The following ACOT8 variants were observed in gnomAD, a reference collection of about 807,000 sequenced individuals.
ACOT8 encodes the protein acyl-coenzyme A thioesterase 8.
Under a neutral mutation model 38.4 loss-of-function variants are expected in ACOT8, and 31 were observed. The observed-to-expected ratio is 0.81, with a 90% confidence interval of 0.61 to 1.09. The LOEUF (loss-of-function observed/expected upper bound fraction) is 1.09, where lower values mean the gene tolerates loss of function less well. Ranked by LOEUF, ACOT8 falls within the 50% of genes least tolerant of loss-of-function variation. The pLI is 0.00. For missense variants in ACOT8, 373 were observed against 421.8 expected (o/e 0.88, Z 1.01); for synonymous variants, 158 against 170.3 (o/e 0.93, Z 0.56).
At chr20:45,848,820 G>A (rs900304740) in intron 2 of ACOT8, 145 bp from the exon 3 acceptor site, 3 of 639,688 alleles carry the variant, frequency 4.7e-6, no homozygotes, top group Non-Finnish European at 7.6e-6. Flanking sequence ...CAGGGATACA[G>A]AGACCACCAG....
rs1472313133 is a variant in ACOT8 at position 45,848,646 on chromosome 20, C to G, written c.292G>C (p.Val98Leu). The change falls in exon 3 of 6, where the codon GTG becomes CTG. Residue 98 changes from valine (V) to leucine (L), a missense_variant. Transcript: ENST00000217455. ...CTCGACCCTGTTCGTGTCCGCTCCA[C>G]TTGGTACAGTACTGGCAGCTTCGGG... The part of the protein sequence containing the change: ...GDPKLPVLYQ[V>L]ERTRTGSSFS... 6.2e-7 allele frequency: 1 copy of G among 1,613,312 alleles called. No homozygotes were observed. Among genetic ancestry groups the G allele is most frequent in the African/African-American group, 1.3e-5 (1 of 75,014 alleles).
chr20:45,844,075 A>G, intron 4 of ACOT8, 188 bp downstream of exon 4: 1 of 901,620 alleles, frequency 1.1e-6, no homozygotes, highest in Non-Finnish European at 1.7e-6. Context: ...TGTCGGGATT[A>G]TAGTCATCTC....
At chr20:45,850,839 G>A (rs901912972) in intron 2 of ACOT8, among the ~76,000 whole-genome samples, 2 of 152,180 alleles carry the variant, frequency 1.3e-5, no homozygotes, top group Non-Finnish European at 2.9e-5. Context: ...TCCAGCCTAG[G>A]TGACAGAGCA....
rs113775752 is a variant in ACOT8, at chr20:45,855,458, T to A, written c.129-166A>T. On this transcript the variant is annotated intron_variant, in intron 1 of 5. Coordinates refer to ENST00000217455, the MANE Select transcript of ACOT8 (RefSeq NM_005469.4). The stretch of plus-strand genomic sequence containing the variant: ...TTCCCCAGGCAAATATCCTTATGCA[T>A]AAAAATCCTCTGGGCCGGGCGCAGT... 7.5e-3 allele frequency among the ~76,000 whole-genome samples: 1,147 copies of A among 152,212 alleles called. 10 individuals are homozygous for A. The highest frequency in any genetic ancestry group is 0.013 in the Non-Finnish European group (888 of 67,992).
rs1380651298 is a variant in ACOT8, at chr20:45,841,950, G to A, written c.848C>T (p.Ser283Phe). 1 of 1,613,232 alleles carries A rather than the reference G, an allele frequency of 6.2e-7. No individual in the cohort carries two copies. The highest frequency in any genetic ancestry group is 8.5e-7 in the Non-Finnish European group (1 of 1,180,002). ...CAGCCGCCCATGGACCAGCCCCCGAGAGCCACCTGTGGGTGAGGTGAAGGG... is the reference window on the plus strand; with the variant it reads ...CAGCCGCCCATGGACCAGCCCCCGAAAGCCACCTGTGGGTGAGGTGAAGGG... ...YECESPWAGG[S>F]RGLVHGRLWR... is the part of the protein sequence containing the mutation. Residue 283 changes from serine (S) to phenylalanine (F), a missense_variant, in exon 6 of 6, where the codon TCT becomes TTT. Ser to Phe is a radical substitution (Grantham distance 155). Transcript: ENST00000217455.
intron 2 of ACOT8, among the ~76,000 whole-genome samples, chr20:45,852,851 C>A (rs1985152267): frequency 6.6e-6 from 1 of 152,190 alleles, no homozygotes; most frequent in Non-Finnish European, 1.5e-5. Context: ...TCACTGCAAC[C>A]TCCGCCTCCT....
chr20:45,842,550 G>A, intron 5 of ACOT8: 1 of 1,001,134 alleles, frequency 1.0e-6, no homozygotes, highest in Non-Finnish European at 1.2e-6. Flanking sequence ...CATGAGGTCT[G>A]GCCTCTTCCC....
At chr20:45,856,494 A>C (rs1985441165) in intron 1 of ACOT8, among the ~76,000 whole-genome samples, 1 of 151,764 alleles carries the variant, frequency 6.6e-6, no homozygotes, top group Admixed American at 6.7e-5. Flanking sequence ...AGCCTGGCCA[A>C]CACGGTGAAA....
chr20:45,846,478 C>G (rs1289064315), intron 3 of ACOT8, among the ~76,000 whole-genome samples: 1 of 152,172 alleles, frequency 6.6e-6, no homozygotes, highest in Non-Finnish European at 1.5e-5. Flanking sequence ...ACTCACACAG[C>G]TAGTAGGGAC....
At chr20:45,843,968 G>T in intron 4 of ACOT8, 1 of 821,042 alleles carries the variant, frequency 1.2e-6, no homozygotes, top group Non-Finnish European at 1.9e-6. Context: ...CAAAAGGGGT[G>T]TCTTCTTCCA....
chr20:45,850,511 TTC>T (rs1456524813), intron 2 of ACOT8, among the ~76,000 whole-genome samples: 4 of 152,044 alleles, frequency 2.6e-5, no homozygotes, highest in African/African-American at 9.7e-5. Context: ...TGCGTCAGAG[TTC>T]TGTTTTTCTA....
At chr20:45,845,114 A>G (rs894679795) in intron 3 of ACOT8, among the ~76,000 whole-genome samples, 1 of 152,052 alleles carries the variant, frequency 6.6e-6, no homozygotes, top group Non-Finnish European at 1.5e-5. Flanking sequence ...TTTGAGACGG[A>G]GTCTAGCTCT....
intron 2 of ACOT8, among the ~76,000 whole-genome samples, chr20:45,854,440 G>A (rs1985278819): frequency 6.6e-6 from 1 of 152,140 alleles, no homozygotes; most frequent in Non-Finnish European, 1.5e-5. Flanking sequence ...CCGATCTCCT[G>A]ACCTCGTGAT....
chr20:45,854,504 C>T (rs1225818784), intron 2 of ACOT8, among the ~76,000 whole-genome samples: 1 of 152,178 alleles, frequency 6.6e-6, no homozygotes, highest in Non-Finnish European at 1.5e-5. Context: ...CCACCGCGCC[C>T]GGCCTCACAC....
At chr20:45,850,427 A>C (rs886404359) in intron 2 of ACOT8, among the ~76,000 whole-genome samples, 1 of 152,210 alleles carries the variant, frequency 6.6e-6, no homozygotes, top group Admixed American at 6.5e-5. Flanking sequence ...TGGTTGGTAA[A>C]GATAGTGGTC....
Position 45,847,210 on chromosome 20 carries a change from AAAAC to A in ACOT8, c.488+1236_488+1239del, listed in dbSNP as rs760344607. On this transcript the variant is annotated intron_variant, in intron 3 of 5. Transcript: ENST00000217455. ...AGGCAACAGGGCGAGACTCTGTCTC[AAAAC>A]AAACAAACAAACAAAAACATGCACT... 1.3e-4 allele frequency among the ~76,000 whole-genome samples: 19 copies of A among 151,894 alleles called. No individual in the cohort carries two copies. The Middle Eastern group carries it at 0.01, about 82-fold the overall frequency.
chr20:45,852,923 C>T (rs952206964), intron 2 of ACOT8, among the ~76,000 whole-genome samples: 4 of 152,132 alleles, frequency 2.6e-5, no homozygotes, highest in African/African-American at 4.8e-5. Flanking sequence ...CACATGCCGC[C>T]ATGCCTGGCT....
At position 45,851,155 on chromosome 20, in the gene ACOT8, T is replaced by C. The variant is rs3746495; in HGVS notation, c.263-2480A>G. Among the ~76,000 whole-genome samples the C allele has an allele frequency of 0.01, 1,550 of 152,258 alleles. 62 individuals are homozygous for C. The East Asian group carries it at 0.13, about 13-fold the overall frequency. On this transcript the variant is annotated intron_variant, in intron 2 of 5. Transcript: ENST00000217455. ...GGCACCAGGGCTCAATCAACAGCAA[T>C]AAACATCACTGTCTGAGGTCAACTG...
At chr20:45,853,960 C>A in intron 2 of ACOT8, 1 of 1,304,364 alleles carries the variant, frequency 7.7e-7, no homozygotes. Flanking sequence ...TGGGGATCTA[C>A]GCAGAACACA....
Sources: allele counts gnomAD v4.1 joint callset (sites outside exome capture counted in the v4.1 genomes callset), GRCh38; gene constraint gnomAD v4.1.1; transcripts MANE v1.5; gene names NCBI Gene and HGNC (gene_info 2026-07-23, HGNC 2026-07-21).